The following IL5RA variants were observed in gnomAD, a reference collection of about 807,000 sequenced individuals.
The protein encoded by IL5RA is interleukin 5 receptor subunit alpha, also known as interleukin-5 receptor subunit alpha.
Under a neutral mutation model 50.0 loss-of-function variants are expected in IL5RA, and 49 were observed. That is an observed-to-expected ratio of 0.98 (90% confidence interval 0.78 to 1.24). The LOEUF (loss-of-function observed/expected upper bound fraction) is 1.24, where lower values mean the gene tolerates loss of function less well. Ranked by LOEUF, IL5RA falls within the 50% of genes most tolerant of loss-of-function variation. The pLI, the probability that IL5RA is intolerant of heterozygous loss-of-function variation, is 0.00. For missense variants in IL5RA, 600 were observed against 500.4 expected (o/e 1.20, Z -1.90); for synonymous variants, 202 against 174.0 (o/e 1.16, Z -1.26).
chr3:3,092,456 C>T lies in IL5RA; in HGVS notation c.856-94G>A, dbSNP rs562712351. ...GGGAGGTCCTATATAGGTCATGTGA[C>T]TCACTGTTCAGCAAGTCCTTTAAAA... On this transcript the variant is annotated intron_variant, in intron 8 of 11. Transcript: ENST00000446632. The surrounding 1 kb of genome is among the most constrained non-coding windows in gnomAD (Gnocchi z 4.2). The T allele has an allele frequency of 9.5e-6, 11 of 1,159,120 alleles. No homozygotes were observed. In the South Asian group the frequency reaches 1.1e-4, roughly 12 times the overall value. 71.8% of individuals were successfully genotyped at this position (1,159,120 alleles called of 1,614,324 possible). A position where few individuals can be genotyped will look rare whatever the true frequency, so the allele number is the denominator to read the frequency against.
chr3:3,105,068 G>T (rs1703844974), intron 2 of IL5RA, 81 bp from the exon 3 acceptor site: 1 of 894,316 alleles, frequency 1.1e-6, no homozygotes, highest in Non-Finnish European at 1.8e-6. Flanking sequence ...AACATAAAAT[G>T]CAGTCGTTTG....
At chr3:3,078,834 CAAAAA>C (rs371826442) in intron 9 of IL5RA, among the ~76,000 whole-genome samples, 41 of 135,734 alleles carry the variant, frequency 3.0e-4, no homozygotes, top group Non-Finnish European at 5.5e-4. Flanking sequence ...GACTCCGTCT[CAAAAA>C]AAAAAAAAAA....
chr3:3,094,220 CTT>C (rs1451166401), intron 8 of IL5RA, among the ~76,000 whole-genome samples: 1 of 152,180 alleles, frequency 6.6e-6, no homozygotes, highest in East Asian at 1.9e-4. Context: ...GTTCAACACT[CTT>C]TTAATCTTGC....
intron 7 of IL5RA, among the ~76,000 whole-genome samples, chr3:3,096,424 G>A (rs1703371788): frequency 6.6e-6 from 1 of 152,136 alleles, no homozygotes; most frequent in African/African-American, 2.4e-5. Flanking sequence ...CTTAATGAGT[G>A]TCCTTGTCTT....
At chr3:3,078,083 G>A (rs1003053881) in intron 9 of IL5RA, among the ~76,000 whole-genome samples, 3 of 152,170 alleles carry the variant, frequency 2.0e-5, no homozygotes, top group Non-Finnish European at 4.4e-5. Context: ...TCAGCAAATA[G>A]CAACACAAGC....
chr3:3,093,464 A>G (rs1476865769), intron 8 of IL5RA, among the ~76,000 whole-genome samples: 2 of 152,220 alleles, frequency 1.3e-5, no homozygotes, highest in Admixed American at 6.5e-5. Flanking sequence ...GTCTTTGGCT[A>G]TATTTAATTT....
chr3:3,109,091 T>G (rs1704064013), intron 1 of IL5RA, among the ~76,000 whole-genome samples: 2 of 152,248 alleles, frequency 1.3e-5, no homozygotes, highest in Admixed American at 6.5e-5. Flanking sequence ...ATGTGTTTAT[T>G]AATTTTAGGC....
chr3:3,074,874 CAG>C lies in IL5RA; in HGVS notation c.1092-10_1092-9del, dbSNP rs1018738827. The C allele has an allele frequency of 1.3e-6, 2 of 1,572,600 alleles. No individual in the cohort carries two copies. Among genetic ancestry groups the C allele is most frequent in the Non-Finnish European group, 1.8e-6 (2 of 1,142,448 alleles). On this transcript the variant is annotated splice_polypyrimidine_tract_variant and intron_variant, in intron 10 of 11. Transcript: ENST00000446632. Reference sequence around the variant, plus strand: ...TTGATCCATAAATGACATCTGAAAACAGAGTAAAGAAGGAATTAGGTGAGCAT... The same window carrying C: ...TTGATCCATAAATGACATCTGAAAACAGTAAAGAAGGAATTAGGTGAGCAT...
intron 9 of IL5RA, among the ~76,000 whole-genome samples, chr3:3,078,561 C>T (rs974112160): frequency 6.6e-5 from 10 of 152,182 alleles, no homozygotes; most frequent in East Asian, 1.9e-4. Context: ...GGGCTAGGTG[C>T]GGTGGCTCAC....
At chr3:3,102,637 T>A (rs1205127980) in intron 4 of IL5RA, 38 bp downstream of exon 4, 2 of 1,402,476 alleles carry the variant, frequency 1.4e-6, no homozygotes, top group East Asian at 2.4e-5. Flanking sequence ...AATGCATATT[T>A]ATTCTCAATA....
intron 9 of IL5RA, among the ~76,000 whole-genome samples, chr3:3,084,053 TAA>T (rs11399967): frequency 2.7e-4 from 27 of 99,402 alleles, no homozygotes; most frequent in South Asian, 3.4e-4. Flanking sequence ...CTCCATCTCA[TAA>T]AAAAAAAAAA....
intron 10 of IL5RA, 22 bp downstream of exon 10, chr3:3,076,509 C>G (rs754954762): frequency 1.3e-6 from 2 of 1,486,560 alleles, no homozygotes; most frequent in South Asian, 1.1e-5. Flanking sequence ...ACTGCAAGCA[C>G]GCAAATGTAA....
intron 11 of IL5RA, among the ~76,000 whole-genome samples, chr3:3,073,555 T>A (rs1371151052): frequency 2.0e-5 from 3 of 152,230 alleles, no homozygotes; most frequent in Admixed American, 6.5e-5. Flanking sequence ...AGAAAAAGTT[T>A]CTTGAGCCCT....
intron 11 of IL5RA, among the ~76,000 whole-genome samples, chr3:3,072,344 A>T (rs1406967954): frequency 6.6e-6 from 1 of 152,218 alleles, no homozygotes; most frequent in Non-Finnish European, 1.5e-5. Context: ...GCAATGTGAG[A>T]AGAGAATAAG....
intron 5 of IL5RA, among the ~76,000 whole-genome samples, chr3:3,100,941 G>C (rs918065223): frequency 1.3e-5 from 2 of 151,238 alleles, no homozygotes; most frequent in African/African-American, 4.9e-5. Context: ...GAGGCCAGGA[G>C]ATCGAGACCA....
rs1174675210 is a variant in IL5RA at position 3,067,637 on chromosome 3, G to A, written c.*2588C>T. On this transcript the variant is annotated 3_prime_UTR_variant, in exon 12 of 12. Coordinates refer to ENST00000446632, the MANE Select transcript of IL5RA (RefSeq NM_175726.4). ...ATGGAGGAAGTGATGATGGTTACGG[G>A]TTCCCAAAGAATGACTATGAGTTGC... is the stretch of plus-strand genomic sequence containing the variant. The A allele has an allele frequency of 6.6e-6, 1 of 152,264 alleles. No homozygotes were observed. The highest frequency in any genetic ancestry group is 2.4e-5 in the African/African-American group (1 of 41,454). 9.4% of individuals were successfully genotyped at this position (152,264 alleles called of 1,614,324 possible).
rs374821803 is a variant in IL5RA at position 3,090,288 on chromosome 3, G to A, written c.994+1936C>T. 3.2e-5 allele frequency: 46 copies of A among 1,450,534 alleles called. No homozygotes were observed. The African/African-American group carries it at 4.3e-4, about 13-fold the overall frequency. 89.9% of individuals were successfully genotyped at this position (1,450,534 alleles called of 1,614,324 possible). A position where few individuals can be genotyped will look rare whatever the true frequency, so the allele number is the denominator to read the frequency against. On this transcript the variant is annotated intron_variant, in intron 9 of 11. Transcript: ENST00000446632. ...AACAGAGAGAAATTATTTGTCTGGG[G>A]ATACACAATCAATCCTTGTAAAGGC...
chr3:3,095,532 C>T, intron 7 of IL5RA, 88 bp from the exon 8 acceptor site: 1 of 1,064,200 alleles, frequency 9.4e-7, no homozygotes, highest in East Asian at 2.4e-5. Flanking sequence ...CTTCTCAAGG[C>T]ATTTCTAAGA....
chr3:3,070,310 T>G lies in IL5RA; in HGVS notation c.1178A>C (p.Lys393Thr), dbSNP rs1367687678. ...KDLFVTTNYE[K>T]AGSSETEIEV... The stretch of plus-strand genomic sequence containing the variant: ...AATTTCCGTCTCACTGGACCCAGCT[T>G]TCTGCAAAACAAATCATCTTTCCTT... The change falls in exon 12 of 12, where the codon AAA becomes ACA. Residue 393 changes from lysine to threonine, a missense_variant and splice_region_variant. By Grantham distance (78) the Lys-to-Thr change is moderately conservative. Coordinates refer to ENST00000446632, the MANE Select transcript of IL5RA (RefSeq NM_175726.4). The G allele has an allele frequency of 6.2e-7, 1 of 1,608,242 alleles. No homozygotes were observed. Among genetic ancestry groups the G allele is most frequent in the Admixed American group, 1.7e-5 (1 of 59,704 alleles).
Sources: gnomAD v4.1 joint callset for allele counts (sites outside exome capture counted in the v4.1 genomes callset) on GRCh38, gnomAD v4.1.1 for gene constraint, Gnocchi (gnomAD v3.1) non-coding constraint, MANE v1.5 for transcripts, NCBI Gene and HGNC (gene_info 2026-07-23, HGNC 2026-07-21) for gene names.